The following PRKG1 variants were observed in gnomAD, a reference collection of about 807,000 sequenced individuals.
The protein encoded by PRKG1 is protein kinase cGMP-dependent 1, also known as cGMP-dependent protein kinase 1.
A neutral mutation model predicts 88.1 loss-of-function variants in PRKG1; 35 were observed. That is an observed-to-expected ratio of 0.40 (90% CI 0.30 to 0.53). The LOEUF is 0.53. Among genes scored for constraint, PRKG1 ranks in the 20% least tolerant of loss-of-function variants. The pLI, the probability that PRKG1 is intolerant of heterozygous loss-of-function variation, is 0.59. For missense variants in PRKG1, 540 were observed against 839.8 expected, an observed-to-expected ratio of 0.64 and a Z score of 4.41; for synonymous variants, 303 against 292.5, an observed-to-expected ratio of 1.04 and a Z score of -0.37.
intron 2 of PRKG1, among the ~76,000 whole-genome samples, chr10:51,207,628 C>T (rs149818071): frequency 1.4e-3 from 211 of 152,194 alleles, no homozygotes; most frequent in African/African-American, 4.7e-3. Flanking sequence ...TACAGCTTCC[C>T]ATTCTCACAA....
intron 3 of PRKG1, among the ~76,000 whole-genome samples, chr10:51,731,153 CAACA>C (rs545948349): frequency 8.3e-4 from 126 of 152,042 alleles, no homozygotes; most frequent in Admixed American, 3.3e-3. Context: ...CAAAGAAAAA[CAACA>C]AACAAACAAA....
chr10:51,113,944 C>CGTGTGTGT (rs35562284), intron 1 of PRKG1, among the ~76,000 whole-genome samples: 1,436 of 139,080 alleles, frequency 0.01, 13 homozygotes, highest in African/African-American at 0.026. Flanking sequence ...AGCCTGTAAA[C>CGTGTGTGT]GTGTGTGTGT....
At chr10:51,749,781 T>C (rs1411054955) in intron 3 of PRKG1, among the ~76,000 whole-genome samples, 2 of 152,200 alleles carry the variant, frequency 1.3e-5, no homozygotes, top group Non-Finnish European at 2.9e-5. Context: ...TTTATAATTC[T>C]CATTGCATTA....
rs571290169 is a variant in PRKG1, at chr10:52,297,109, A to G, written c.*3209A>G. On this transcript the variant is annotated 3_prime_UTR_variant, in exon 18 of 18. Transcript: ENST00000373980. ...ATCCATAACAACGTTTTCTTTCACT[A>G]TAGGACCACAGACAAATATTTATGT... The G allele has an allele frequency of 5.1e-4, 78 of 152,274 alleles. No individual in the cohort carries two copies. Among genetic ancestry groups the G allele is most frequent in the African/African-American group, 1.8e-3 (76 of 41,582 alleles). The allele number at this position is 152,274 out of a possible 1,614,324, so 9.4% of individuals were successfully genotyped here.
At chr10:51,236,433 T>G (rs896123470) in intron 2 of PRKG1, among the ~76,000 whole-genome samples, 50 of 152,160 alleles carry the variant, frequency 3.3e-4, no homozygotes, top group African/African-American at 9.6e-4. Context: ...AACTCAGAAA[T>G]GAGGAAAGTA....
In PRKG1 at chr10:51,503,114, C is replaced by T. The variant is rs553389331; in HGVS notation, c.592+35278C>T. Among the ~76,000 whole-genome samples the T allele has an allele frequency of 1.2e-3, 183 of 152,154 alleles. 1 individual carries two copies. The highest frequency in any genetic ancestry group is 3.8e-3 in the African/African-American group (158 of 41,528). ...CTTCTTTAAAGGAGGAGGGAAAGTG[C>T]GCATTGTTAGCCATCTTGAACGTAC... On this transcript the variant is annotated intron_variant, in intron 3 of 17. Coordinates refer to ENST00000373980, the MANE Select transcript of PRKG1 (RefSeq NM_006258.4).
intron 4 of PRKG1, among the ~76,000 whole-genome samples, chr10:51,824,565 G>A (rs767914712): frequency 3.5e-4 from 54 of 152,276 alleles, no homozygotes; most frequent in Non-Finnish European, 6.2e-4. Flanking sequence ...AGGAATATTT[G>A]AGACTGGGTA....
At chr10:51,965,507 C>T (rs575413606) in intron 5 of PRKG1, among the ~76,000 whole-genome samples, 15 of 152,252 alleles carry the variant, frequency 9.9e-5, no homozygotes, top group Non-Finnish European at 2.1e-4. Context: ...TGGGAAGAAT[C>T]ATTTGATGAT....
At chr10:51,045,861 CTT>C (rs1843482755) in intron 1 of PRKG1, among the ~76,000 whole-genome samples, 4 of 152,158 alleles carry the variant, frequency 2.6e-5, no homozygotes, top group Admixed American at 1.3e-4. Flanking sequence ...TTATTTATAA[CTT>C]AAATACATAA....
chr10:52,094,869 A>G (rs1847138692), intron 7 of PRKG1, among the ~76,000 whole-genome samples: 1 of 152,170 alleles, frequency 6.6e-6, no homozygotes, highest in Admixed American at 6.5e-5. Flanking sequence ...AGATTATCAC[A>G]CTGGCAGTTA....
chr10:52,047,669 A>C (rs1292668347), intron 5 of PRKG1, among the ~76,000 whole-genome samples: 2 of 152,116 alleles, frequency 1.3e-5, no homozygotes, highest in Admixed American at 6.6e-5. Context: ...TGCCTACCTT[A>C]CTAGCATGGT....
At chr10:51,317,031 T>G (rs1214817066) in intron 2 of PRKG1, among the ~76,000 whole-genome samples, 1 of 152,220 alleles carries the variant, frequency 6.6e-6, no homozygotes, top group South Asian at 2.1e-4. Context: ...CATGGTCAGG[T>G]AAGTTGGTAG....
chr10:51,205,127 C>CTTTCTCTTTTTTTTTTTTTTTTTT (rs1433048297), intron 2 of PRKG1, among the ~76,000 whole-genome samples: 1 of 64,030 alleles, frequency 1.6e-5, no homozygotes, highest in Non-Finnish European at 3.0e-5. Context: ...ATTTTCTTTT[C>CTTTCTCTTTTTTTTTTTTTTTTTT]TTTTTTTTTT....
chr10:52,052,884 C>T (rs1212546183), intron 5 of PRKG1, among the ~76,000 whole-genome samples: 1 of 152,088 alleles, frequency 6.6e-6, no homozygotes, highest in Non-Finnish European at 1.5e-5. Flanking sequence ...GAGCCATGAT[C>T]GGGCCACTGC....
At chr10:51,061,848 A>G (rs560096183) in intron 1 of PRKG1, among the ~76,000 whole-genome samples, 1 of 152,334 alleles carries the variant, frequency 6.6e-6, no homozygotes, top group South Asian at 2.1e-4. Flanking sequence ...AATTACCAAC[A>G]TTTGTATCAC....
At chr10:51,096,556 G>A (rs1036950721) in intron 1 of PRKG1, among the ~76,000 whole-genome samples, 3 of 152,122 alleles carry the variant, frequency 2.0e-5, no homozygotes, top group Admixed American at 2.0e-4. Flanking sequence ...AGGCAGCATA[G>A]TATACCGGGT....
At chr10:51,937,931 G>A (rs1042315212) in intron 5 of PRKG1, among the ~76,000 whole-genome samples, 2 of 152,068 alleles carry the variant, frequency 1.3e-5, no homozygotes, top group African/African-American at 4.8e-5. Context: ...CACTGAGTAT[G>A]TGAATCATCC....
At chr10:52,079,437 G>A (rs990067524) in intron 7 of PRKG1, among the ~76,000 whole-genome samples, 3 of 152,008 alleles carry the variant, frequency 2.0e-5, no homozygotes, top group Non-Finnish European at 4.4e-5. Context: ...AGAATCTTTG[G>A]GGTCAGACAG....
chr10:51,544,685 G>C lies in PRKG1; in HGVS notation c.592+76849G>C, dbSNP rs187351073. 1.2e-3 allele frequency among the ~76,000 whole-genome samples: 182 copies of C among 152,230 alleles called. 2 individuals are homozygous for C. The highest frequency in any genetic ancestry group is 4.2e-3 in the African/African-American group (176 of 41,542). On this transcript the variant is annotated intron_variant, in intron 3 of 17. Transcript: ENST00000373980. The stretch of plus-strand genomic sequence containing the variant: ...ACAGTCCCACCAACAGTGTAAAAGT[G>C]TTCCTATTTCTCCACATCCTCTCCA...
Sources: allele counts gnomAD v4.1 joint callset (sites outside exome capture counted in the v4.1 genomes callset), GRCh38; gene constraint gnomAD v4.1.1; transcripts MANE v1.5; gene names NCBI Gene and HGNC (gene_info 2026-07-23, HGNC 2026-07-21).